Variants in MAD1L1 observed in about 807,000 individuals in gnomAD.
The protein encoded by MAD1L1 is mitotic spindle assembly checkpoint protein MAD1.
In MAD1L1, 95 loss-of-function variants were observed where a neutral mutation model predicts 96.9. That is an observed-to-expected ratio of 0.98 (90% CI 0.83 to 1.16). MAD1L1 has a LOEUF of 1.16. MAD1L1 is among the 50% of genes most tolerant of loss of function. The pLI is 0.00. For synonymous variants in MAD1L1, 473 were observed against 396.6 expected, an observed-to-expected ratio of 1.19 and a Z score of -2.29; for missense variants, 1,007 against 954.4, an observed-to-expected ratio of 1.06 and a Z score of -0.73.
At chr7:2,099,281 G>A (rs546322205) in intron 11 of MAD1L1, among the ~76,000 whole-genome samples, 43 of 152,350 alleles carry the variant, frequency 2.8e-4, no homozygotes, top group Non-Finnish European at 5.3e-4. Context: ...TGTGCACTCC[G>A]GCGCCCGGCC....
At position 1,936,464 on chromosome 7, in the gene MAD1L1, G is replaced by A. The variant is rs933116793; in HGVS notation, c.1807+223C>T. 3.3e-5 allele frequency among the ~76,000 whole-genome samples: 5 copies of A among 152,230 alleles called. No homozygotes were observed. In the South Asian group the frequency reaches 8.3e-4, roughly 25 times the overall value. On this transcript the variant is annotated intron_variant, in intron 17 of 18. Transcript: ENST00000265854. ...GCCCCTTGCTTCTCCACAGCTGCCT[G>A]CAGACTCGGATGGCTCCACCTGTTT...
At chr7:1,899,416 A>C (rs6970765) in intron 17 of MAD1L1, among the ~76,000 whole-genome samples, 17,407 of 152,078 alleles carry the variant, frequency 0.11, 3,270 homozygotes, top group African/African-American at 0.39. Context: ...GCTGGACCCT[A>C]TCCTGCAGGC....
At chr7:2,092,934 G>A (rs1168117128) in intron 11 of MAD1L1, among the ~76,000 whole-genome samples, 3 of 151,996 alleles carry the variant, frequency 2.0e-5, no homozygotes, top group African/African-American at 4.8e-5. Context: ...GGGTAACCAG[G>A]TAATGCATAT....
At chr7:2,005,659 G>C (rs1000143875) in intron 13 of MAD1L1, among the ~76,000 whole-genome samples, 1 of 151,964 alleles carries the variant, frequency 6.6e-6, no homozygotes, top group Non-Finnish European at 1.5e-5. Flanking sequence ...AAATCAGCTG[G>C]GTGTGGTAGC....
At chr7:1,993,408 G>A (rs1671117318) in intron 14 of MAD1L1, among the ~76,000 whole-genome samples, 1 of 152,170 alleles carries the variant, frequency 6.6e-6, no homozygotes, top group South Asian at 2.1e-4. Context: ...TCCCTCTAAA[G>A]TTTACCGGAA....
At chr7:1,819,553 A>G (rs1047908597) in intron 18 of MAD1L1, among the ~76,000 whole-genome samples, 7 of 152,210 alleles carry the variant, frequency 4.6e-5, no homozygotes, top group African/African-American at 1.4e-4. Context: ...CACGTGGGCC[A>G]GGGATTGTGT....
chr7:2,142,390 T>C lies in MAD1L1; in HGVS notation c.1073+6762A>G, dbSNP rs891615693. 5.2e-4 allele frequency among the ~76,000 whole-genome samples: 79 copies of C among 152,334 alleles called. No homozygotes were observed. The highest frequency in any genetic ancestry group is 1.9e-3 in the African/African-American group (78 of 41,590). ...TGAGGCCTCTATGGCGCAGGTGCAC[T>C]GTGCGTCCCAGGCATGGTCCGGGGC... On this transcript the variant is annotated intron_variant, in intron 11 of 18. Coordinates refer to ENST00000265854, the MANE Select transcript of MAD1L1 (RefSeq NM_001013836.2). The surrounding 1 kb of genome is among the most constrained non-coding windows in gnomAD (Gnocchi z 4.7).
At chr7:2,186,803 T>C (rs1221820193) in intron 10 of MAD1L1, among the ~76,000 whole-genome samples, 1 of 151,558 alleles carries the variant, frequency 6.6e-6, no homozygotes, top group East Asian at 1.9e-4. Flanking sequence ...TTTTTTTTTT[T>C]TTTTCTCTGA....
intron 12 of MAD1L1, among the ~76,000 whole-genome samples, chr7:2,065,500 A>G (rs943355640): frequency 2.0e-5 from 3 of 152,210 alleles, no homozygotes; most frequent in African/African-American, 7.2e-5. Flanking sequence ...CCAGGCAGCG[A>G]GGACGTGGGA....
At chr7:2,196,900 G>A (rs927488053) in intron 10 of MAD1L1, among the ~76,000 whole-genome samples, 4 of 152,156 alleles carry the variant, frequency 2.6e-5, no homozygotes, top group Admixed American at 6.5e-5. Flanking sequence ...CCCACACTTC[G>A]GGGCTGCTGA....
intron 10 of MAD1L1, among the ~76,000 whole-genome samples, chr7:2,208,863 C>T (rs747023809): frequency 5.3e-5 from 8 of 152,094 alleles, no homozygotes; most frequent in Non-Finnish European, 8.8e-5. Flanking sequence ...AGTCACTCCC[C>T]GAGACAGACC....
chr7:1,978,548 C>T (rs2177176), intron 15 of MAD1L1, among the ~76,000 whole-genome samples: 147,972 of 152,210 alleles, frequency 0.97, 72,055 homozygotes, highest in East Asian at 1. Context: ...GTGCCTCCCA[C>T]TGCTGCTAGG....
Position 2,215,935 on chromosome 7 carries a change from G to A in MAD1L1, c.874C>T (p.Arg292Cys), listed in dbSNP as rs777976890. ...ELEGLQRKLG[R>C]QEKMQETLVG... ...AGCGTCTCCTGCATCTTCTCCTGGC[G>A]CCCCAGCTTCCTCTGCAGCCCTTCC... is the stretch of plus-strand genomic sequence containing the variant. Residue 292 changes from arginine (R) to cysteine (C), a missense_variant, in exon 9 of 19, where the codon CGC becomes TGC. Physicochemically the swap from Arg to Cys is radical, Grantham distance 180. Transcript: ENST00000265854. 1.3e-5 allele frequency: 21 copies of A among 1,614,036 alleles called. No individual in the cohort carries two copies. Among genetic ancestry groups the A allele is most frequent in the East Asian group, 6.7e-5 (3 of 44,896 alleles).
intron 11 of MAD1L1, among the ~76,000 whole-genome samples, chr7:2,148,823 A>G (rs570796485): frequency 2.0e-5 from 3 of 152,276 alleles, no homozygotes; most frequent in African/African-American, 7.2e-5. Context: ...CCAAGACCAC[A>G]TGAGGCCCCA....
chr7:2,084,214 T>C (rs1785795043), intron 11 of MAD1L1, among the ~76,000 whole-genome samples: 1 of 152,144 alleles, frequency 6.6e-6, no homozygotes, highest in Non-Finnish European at 1.5e-5. Flanking sequence ...TGCGTATGTG[T>C]AGAAAAATAA....
intron 17 of MAD1L1, among the ~76,000 whole-genome samples, chr7:1,903,590 A>G (rs1345375297): frequency 6.9e-6 from 1 of 143,964 alleles, no homozygotes; most frequent in East Asian, 2.1e-4. Flanking sequence ...GGCAGCGAGC[A>G]CGCAGTGGCC....
chr7:1,822,639 T>C (rs1782187383), intron 18 of MAD1L1, among the ~76,000 whole-genome samples: 1 of 151,560 alleles, frequency 6.6e-6, no homozygotes, highest in Non-Finnish European at 1.5e-5. Context: ...CCCAGGCTGG[T>C]CTCCCAACTC....
At chr7:1,867,768 T>C (rs966677527) in intron 18 of MAD1L1, among the ~76,000 whole-genome samples, 11 of 152,184 alleles carry the variant, frequency 7.2e-5, no homozygotes, top group South Asian at 4.1e-4. Flanking sequence ...CAGTCCCTCA[T>C]TGGAGGGACT....
intron 18 of MAD1L1, among the ~76,000 whole-genome samples, chr7:1,882,232 C>A: frequency 6.6e-6 from 1 of 152,278 alleles, no homozygotes. Flanking sequence ...GCGAGTGTGC[C>A]GGGCAGAGGG....
Sources: gnomAD v4.1 joint callset for allele counts (sites outside exome capture counted in the v4.1 genomes callset) on GRCh38, gnomAD v4.1.1 for gene constraint, Gnocchi (gnomAD v3.1) non-coding constraint, MANE v1.5 for transcripts, NCBI Gene and HGNC (gene_info 2026-07-23, HGNC 2026-07-21) for gene names.